APPBP2: variants seen among roughly 807,000 people sequenced by gnomAD.
APPBP2 encodes amyloid protein-binding protein 2.
Under a neutral mutation model 76.0 loss-of-function variants are expected in APPBP2, and 15 were observed. That is an observed-to-expected ratio of 0.20 (90% confidence interval 0.13 to 0.30). APPBP2 has a LOEUF of 0.30. Among genes scored for constraint, APPBP2 ranks in the 10% least tolerant of loss-of-function variants. The pLI is 1.00. For synonymous variants in APPBP2, 222 were observed against 242.2 expected (o/e 0.92, Z 0.77); for missense variants, 401 against 687.2 (o/e 0.58, Z 4.66).
chr17:60,493,119 A>C (rs2090743636), intron 3 of APPBP2, among the ~76,000 whole-genome samples: 1 of 152,162 alleles, frequency 6.6e-6, no homozygotes, highest in Non-Finnish European at 1.5e-5. Flanking sequence ...GTCTGCCACC[A>C]TATAAGACAT....
At chr17:60,454,699 T>C (rs2090419679) in intron 10 of APPBP2, among the ~76,000 whole-genome samples, 1 of 152,202 alleles carries the variant, frequency 6.6e-6, no homozygotes, top group Non-Finnish European at 1.5e-5. Flanking sequence ...GTATATATAT[T>C]CAAATTTAAG....
In APPBP2 at chr17:60,447,689, T is replaced by G. The variant is rs776437985; in HGVS notation, c.1650A>C (p.Gln550His). The G allele has an allele frequency of 3.1e-6, 5 of 1,614,020 alleles. No individual in the cohort carries two copies. ...LSNWNRLRDR[Q>H]YSVTDALEDV... is the part of the protein sequence containing the mutation. ...CTTCAAGAGCATCTGTCACTGAATATTGCCGATCTCGCAACCGGTTCCAGT... is the reference window on the plus strand; with the variant it reads ...CTTCAAGAGCATCTGTCACTGAATAGTGCCGATCTCGCAACCGGTTCCAGT... The change falls in exon 13 of 13, where the codon CAA becomes CAC. Residue 550 changes from glutamine to histidine, a missense_variant. Physicochemically the swap from Gln to His is conservative, Grantham distance 24 (BLOSUM62 0). Around this residue, in one of 5 missense-constraint regions of APPBP2, gnomAD observed 56 missense variants for 76.5 expected, o/e 0.73. Coordinates refer to ENST00000083182, the MANE Select transcript of APPBP2 (RefSeq NM_006380.5).
At chr17:60,500,113 G>A (rs978354087) in intron 2 of APPBP2, among the ~76,000 whole-genome samples, 4 of 151,182 alleles carry the variant, frequency 2.6e-5, no homozygotes, top group Non-Finnish European at 4.4e-5. Context: ...CCAGGTTCAC[G>A]CCATTTTCCT....
At chr17:60,474,495 A>C (rs1401114580) in intron 4 of APPBP2, among the ~76,000 whole-genome samples, 1 of 152,130 alleles carries the variant, frequency 6.6e-6, no homozygotes, top group Non-Finnish European at 1.5e-5. Context: ...TTTAGAAAGA[A>C]AATTTCACTA....
chr17:60,450,156 C>A (rs2090381968), intron 12 of APPBP2, among the ~76,000 whole-genome samples: 1 of 151,702 alleles, frequency 6.6e-6, no homozygotes, highest in African/African-American at 2.4e-5. Flanking sequence ...CTGATGCAGG[C>A]TGGACGCGGT....
chr17:60,481,130 C>T (rs2090625105), intron 3 of APPBP2, among the ~76,000 whole-genome samples: 1 of 152,142 alleles, frequency 6.6e-6, no homozygotes, highest in Non-Finnish European at 1.5e-5. Flanking sequence ...TAGCAGTATC[C>T]CAGCTTCATG....
At position 60,464,203 on chromosome 17, in the gene APPBP2, T is replaced by C. The variant is rs151213245; in HGVS notation, c.673-93A>G. 1,160 of 832,446 alleles carry C rather than the reference T, an allele frequency of 1.4e-3. 8 individuals are homozygous for C. In the African/African-American group the frequency reaches 0.017, roughly 13 times the overall value. 51.6% of individuals were successfully genotyped at this position (832,446 alleles called of 1,614,324 possible). ...ACTGCAAAATTTTTCTACAAGCACT[T>C]AAATAAGAACACACACAAAATATTT... is the stretch of plus-strand genomic sequence containing the variant. On this transcript the variant is annotated intron_variant, in intron 5 of 12. Coordinates refer to ENST00000083182, the MANE Select transcript of APPBP2 (RefSeq NM_006380.5).
chr17:60,488,727 T>C (rs1007156562), intron 3 of APPBP2, among the ~76,000 whole-genome samples: 24 of 152,264 alleles, frequency 1.6e-4, no homozygotes, highest in Admixed American at 4.6e-4. Context: ...CATAAGTAGA[T>C]GTGGAGATGA....
Position 60,494,595 on chromosome 17 carries a change from G to A in APPBP2, c.250C>T (p.Gln84Ter). The change falls in exon 3 of 13, where the codon CAG becomes TAG. Residue 84 changes from glutamine to a stop codon, truncating the protein, a stop_gained. Coordinates refer to ENST00000083182, the MANE Select transcript of APPBP2 (RefSeq NM_006380.5). LOFTEE classifies it high-confidence loss of function. ...TTAACACCATGATCCATCAAAGCCT[G>A]AAAACAATGATGAAGCAAATGTCTG... is the stretch of plus-strand genomic sequence containing the variant. ...DKRHLLHHCF[Q>*]ALMDHGVKVA... The A allele has an allele frequency of 6.3e-7, 1 of 1,590,302 alleles. No individual in the cohort carries two copies. Among genetic ancestry groups the A allele is most frequent in the African/African-American group, 1.4e-5 (1 of 73,466 alleles).
chr17:60,505,447 C>T (rs536606024), intron 1 of APPBP2, among the ~76,000 whole-genome samples: 37 of 152,320 alleles, frequency 2.4e-4, no homozygotes, highest in African/African-American at 8.4e-4. Context: ...TCCAGAGTAG[C>T]TGGGACTACA....
chr17:60,443,849 C>T lies in APPBP2; in HGVS notation c.*3732G>A, dbSNP rs757589808. 1 of 152,612 alleles carries T rather than the reference C, an allele frequency of 6.6e-6. No individual in the cohort carries two copies. The highest frequency in any genetic ancestry group is 1.5e-5 in the Non-Finnish European group (1 of 68,038). The allele number at this position is 152,612 out of a possible 1,614,324, so 9.5% of individuals were successfully genotyped here. On this transcript the variant is annotated 3_prime_UTR_variant, in exon 13 of 13. Coordinates refer to ENST00000083182, the MANE Select transcript of APPBP2 (RefSeq NM_006380.5). Reference sequence around the variant, plus strand: ...TAGTATTATGCAATAAATCCTAAAGCACACTCCTTCTGATTATCAACAGGG... The same window carrying T: ...TAGTATTATGCAATAAATCCTAAAGTACACTCCTTCTGATTATCAACAGGG...
At chr17:60,504,542 T>C (rs551659513) in intron 1 of APPBP2, among the ~76,000 whole-genome samples, 1 of 152,248 alleles carries the variant, frequency 6.6e-6, no homozygotes, top group African/African-American at 2.4e-5. Context: ...TGGTAAAAAA[T>C]TATATCATAG....
chr17:60,516,190 C>CA (rs950005028), intron 1 of APPBP2, among the ~76,000 whole-genome samples: 4 of 150,990 alleles, frequency 2.6e-5, no homozygotes, highest in Admixed American at 6.6e-5. Context: ...AAAAAACAAA[C>CA]AAAAAAAACC....
chr17:60,452,580 G>A (rs2090402975), intron 11 of APPBP2, among the ~76,000 whole-genome samples: 1 of 152,124 alleles, frequency 6.6e-6, no homozygotes, highest in African/African-American at 2.4e-5. Flanking sequence ...TTCAGGTAAA[G>A]AAGACCTCTC....
intron 4 of APPBP2, 61 bp from the exon 5 acceptor site, chr17:60,466,520 C>T: frequency 6.7e-7 from 1 of 1,484,322 alleles, no homozygotes; most frequent in Non-Finnish European, 9.2e-7. Context: ...GACCTGATGA[C>T]CTCTTACCAA....
chr17:60,470,168 A>G (rs541553795), intron 4 of APPBP2, among the ~76,000 whole-genome samples: 1 of 152,216 alleles, frequency 6.6e-6, no homozygotes, highest in African/African-American at 2.4e-5. Flanking sequence ...ATGCTGAATG[A>G]CACTATCTTT....
rs1567934081 is a variant in APPBP2 at position 60,494,507 on chromosome 17, G to A, written c.338C>T (p.Ala113Val). 1.9e-6 allele frequency: 3 copies of A among 1,610,894 alleles called. No individual in the cohort carries two copies. The highest frequency in any genetic ancestry group is 1.7e-6 in the Non-Finnish European group (2 of 1,179,500). ...RRCSYIAESD[A>V]AVKEKAIQVG... The stretch of plus-strand genomic sequence containing the variant: ...CTGAATGGCTTTTTCCTTTACTGCA[G>A]CATCTGATTCTGCTATATAAGAGCA... Residue 113 changes from alanine (A) to valine (V), a missense_variant, in exon 3 of 13, where the codon GCT (alanine) becomes GTT (valine). Transcript: ENST00000083182.
intron 12 of APPBP2, among the ~76,000 whole-genome samples, chr17:60,448,398 G>A (rs1459881522): frequency 6.6e-6 from 1 of 152,236 alleles, no homozygotes; most frequent in Non-Finnish European, 1.5e-5. Context: ...AGGAGGCAGA[G>A]GTTGCAGTGA....
intron 9 of APPBP2, chr17:60,459,916 AC>A (rs925107401): frequency 3.2e-4 from 49 of 152,190 alleles, no homozygotes; most frequent in African/African-American, 1.1e-3. Flanking sequence ...GAGCAGTTAT[AC>A]CACAGGCCAT....
Sources: allele counts gnomAD v4.1 joint callset (sites outside exome capture counted in the v4.1 genomes callset), GRCh38; gene constraint gnomAD v4.1.1; regional missense constraint gnomAD v4.1.1; transcripts MANE v1.5; gene names NCBI Gene and HGNC (gene_info 2026-07-23, HGNC 2026-07-21).